Variants in OPN3 observed in about 807,000 individuals in gnomAD.
OPN3 encodes the protein opsin-3.
Under a neutral mutation model 33.8 loss-of-function variants are expected in OPN3, and 29 were observed. The ratio of observed to expected loss-of-function variants is 0.86; its 90% CI spans 0.64 to 1.17. The LOEUF (loss-of-function observed/expected upper bound fraction) is 1.17, where lower values mean the gene tolerates loss of function less well. Among genes scored for constraint, OPN3 ranks in the 50% most tolerant of loss-of-function variants. OPN3 has a pLI of 0.00. For missense variants in OPN3, 437 were observed against 514.1 expected (o/e 0.85, Z 1.45); for synonymous variants, 216 against 216.1 (o/e 1.00, Z 0.00).
rs896308472 is a variant in OPN3, at chr1:241,602,420, C to G, written c.693+1840G>C. 2.6e-5 allele frequency among the ~76,000 whole-genome samples: 4 copies of G among 152,096 alleles called. No homozygotes were observed. The South Asian group carries it at 6.2e-4, about 24-fold the overall frequency. On this transcript the variant is annotated intron_variant, in intron 2 of 3. Coordinates refer to ENST00000366554, the MANE Select transcript of OPN3 (RefSeq NM_014322.3). ...GTAGAGGAAGGAGTCACAAGTTTGC[C>G]TTAAGTTGAGGAATGAATGCTAGAT...
At chr1:241,633,990 C>T in intron 1 of OPN3, 1 of 1,613,964 alleles carries the variant, frequency 6.2e-7, no homozygotes, top group African/African-American at 1.3e-5. Flanking sequence ...AGTGTTTCAG[C>T]TTGCTTGACA....
chr1:241,597,728 G>A lies in OPN3; in HGVS notation c.945+18C>T, dbSNP rs2147995802. The stretch of plus-strand genomic sequence containing the variant: ...TCTATGCCCAGGGTGAAAACAATCA[G>A]TTAATTGCAAAGCTTACCTTTCTGA... On this transcript the variant is annotated intron_variant, in intron 3 of 3. Transcript: ENST00000366554. 2 of 1,607,178 alleles carry A rather than the reference G, an allele frequency of 1.2e-6. No homozygotes were observed. Among genetic ancestry groups the A allele is most frequent in the Non-Finnish European group, 1.7e-6 (2 of 1,175,556 alleles).
intron 1 of OPN3, among the ~76,000 whole-genome samples, chr1:241,628,425 C>A (rs1162466633): frequency 6.6e-6 from 1 of 152,108 alleles, no homozygotes; most frequent in African/African-American, 2.4e-5. Flanking sequence ...TTGGATCTCT[C>A]ACGCTGACTG....
At chr1:241,601,522 G>T (rs995969801) in intron 2 of OPN3, among the ~76,000 whole-genome samples, 1 of 152,072 alleles carries the variant, frequency 6.6e-6, no homozygotes, top group African/African-American at 2.4e-5. Flanking sequence ...GGCCAACATG[G>T]TGAAACCCCA....
At position 241,594,458 on chromosome 1, in the gene OPN3, T is replaced by G. The variant is rs765144031; in HGVS notation, c.1179A>C (p.Lys393Asn). 1 of 1,614,122 alleles carries G rather than the reference T, an allele frequency of 6.2e-7. No individual in the cohort carries two copies. Among genetic ancestry groups the G allele is most frequent in the East Asian group, 2.2e-5 (1 of 44,876 alleles). Reference sequence around the variant, plus strand: ...AAGGACGAACTTGGATTACATCAACTTTGGACCCATTGGTTTTGTCGCTGT... The same window carrying G: ...AAGGACGAACTTGGATTACATCAACGTTGGACCCATTGGTTTTGTCGCTGT... ...VDDSDKTNGS[K>N]VDVIQVRPL Residue 393 changes from lysine (K) to asparagine (N), a missense_variant, in exon 4 of 4, where the codon AAA becomes AAC. Physicochemically the swap from Lys to Asn is moderately conservative, Grantham distance 94. Transcript: ENST00000366554.
At chr1:241,634,129 T>C in intron 1 of OPN3, 1 of 1,612,994 alleles carries the variant, frequency 6.2e-7, no homozygotes, top group South Asian at 1.1e-5. Flanking sequence ...ACAAGAGTCT[T>C]GGCTTTGTAA....
chr1:241,597,742 T>G lies in OPN3; in HGVS notation c.945+4A>C, dbSNP rs1413113681. ...GAAAACAATCAGTTAATTGCAAAGC[T>G]TACCTTTCTGATCATGAAGACATAA... On this transcript the variant is annotated splice_donor_region_variant and intron_variant, in intron 3 of 3. Transcript: ENST00000366554. 1 of 1,611,496 alleles carries G rather than the reference T, an allele frequency of 6.2e-7. No individual in the cohort carries two copies. Among genetic ancestry groups the G allele is most frequent in the South Asian group, 1.1e-5 (1 of 90,936 alleles).
intron 2 of OPN3, among the ~76,000 whole-genome samples, chr1:241,602,805 C>T (rs1428577060): frequency 6.6e-6 from 1 of 152,202 alleles, no homozygotes; most frequent in South Asian, 2.1e-4. Context: ...ACTGTCACAT[C>T]GGTGGTTAGA....
chr1:241,620,024 T>C (rs908515371), intron 1 of OPN3, among the ~76,000 whole-genome samples: 9 of 149,242 alleles, frequency 6.0e-5, no homozygotes, highest in African/African-American at 2.2e-4. Flanking sequence ...AAATGAGACA[T>C]ACAGATGTTA....
intron 1 of OPN3, among the ~76,000 whole-genome samples, chr1:241,639,015 A>G (rs979025901): frequency 2.0e-5 from 3 of 152,242 alleles, no homozygotes; most frequent in South Asian, 4.1e-4. Context: ...TTTCCTTTCT[A>G]CGCTTCCTTC....
chr1:241,597,872 C>T lies in OPN3; in HGVS notation c.819G>A (p.Val273=). Residue 273 remains valine (V), a synonymous_variant, in exon 3 of 4, where the codon GTG becomes GTA. Coordinates refer to ENST00000366554, the MANE Select transcript of OPN3 (RefSeq NM_014322.3). ...GACCATTAACCACCAAGAAGCAGAT[C>T]ACGATATAAGGCATCCAACAGACCA... The part of the protein sequence containing the change: ...TFLVCWMPYI[V]ICFLVVNGHG... 1.1e-5 allele frequency: 18 copies of T among 1,613,796 alleles called. No individual in the cohort carries two copies. Among genetic ancestry groups the T allele is most frequent in the Non-Finnish European group, 1.4e-5 (16 of 1,179,956 alleles).
intron 1 of OPN3, among the ~76,000 whole-genome samples, chr1:241,615,292 T>C (rs1165562587): frequency 6.6e-6 from 1 of 150,718 alleles, no homozygotes; most frequent in East Asian, 1.9e-4. Context: ...ACTGCACTCA[T>C]AGAATAAAAG....
intron 1 of OPN3, among the ~76,000 whole-genome samples, chr1:241,637,162 CT>C (rs1192121775): frequency 6.6e-6 from 1 of 152,160 alleles, no homozygotes; most frequent in Admixed American, 6.5e-5. Flanking sequence ...GTTTTGAGCT[CT>C]GGTTTTCACT....
chr1:241,639,941 T>C lies in OPN3; in HGVS notation c.314A>G (p.Asn105Ser). ...GCCCACGGTGTCCCACACCCAGCCG[T>C]TCCTCAGGCAGGACACGAAGGTAAA... Reference protein sequence around the residue: ...VTFTFVSCLRNGWVWDTVGCV... With the variant: ...VTFTFVSCLRSGWVWDTVGCV... Residue 105 changes from asparagine to serine, a missense_variant, in exon 1 of 4, where the codon AAC becomes AGC. Transcript: ENST00000366554. 1.2e-6 allele frequency: 2 copies of C among 1,608,290 alleles called. No homozygotes were observed. Among genetic ancestry groups the C allele is most frequent in the Non-Finnish European group, 1.7e-6 (2 of 1,177,654 alleles).
intron 1 of OPN3, among the ~76,000 whole-genome samples, chr1:241,625,661 A>G (rs1263016454): frequency 6.6e-6 from 1 of 152,214 alleles, no homozygotes. Flanking sequence ...GAGGGAAGGT[A>G]GCGGGGAACT....
chr1:241,615,265 AT>A (rs1664095879), intron 1 of OPN3, among the ~76,000 whole-genome samples: 1 of 151,962 alleles, frequency 6.6e-6, no homozygotes, highest in African/African-American at 2.4e-5. Flanking sequence ...AGAATTCTAA[AT>A]TCTAATCCTA....
chr1:241,636,144 G>T, intron 1 of OPN3: 1 of 413,876 alleles, frequency 2.4e-6, no homozygotes, highest in South Asian at 1.0e-4. Context: ...ATGCAACAAT[G>T]ACAATCCATT....
At position 241,640,188 on chromosome 1, in the gene OPN3, C is replaced by T; in HGVS notation, c.67G>A (p.Gly23Arg). The change falls in exon 1 of 4, where the codon GGG (glycine) becomes AGG (arginine). Residue 23 changes from glycine to arginine, a missense_variant. By Grantham distance (125) the Gly-to-Arg change is moderately radical. Coordinates refer to ENST00000366554, the MANE Select transcript of OPN3 (RefSeq NM_014322.3). ...WDGGGAAGAEGPAPAGTLSPA... is the reference protein window; with the variant it reads ...WDGGGAAGAERPAPAGTLSPA... Reference sequence around the variant, plus strand: ...CTCAGTGTCCCCGCCGGCGCCGGCCCCTCAGCGCCCGCGGCCCCGCCGCCG... The same window carrying T: ...CTCAGTGTCCCCGCCGGCGCCGGCCTCTCAGCGCCCGCGGCCCCGCCGCCG... The T allele has an allele frequency of 7.2e-7, 1 of 1,383,902 alleles. No homozygotes were observed. Among genetic ancestry groups the T allele is most frequent in the Non-Finnish European group, 9.3e-7 (1 of 1,074,578 alleles). The allele number at this position is 1,383,902 out of a possible 1,614,324, so 85.7% of individuals were successfully genotyped here.
In OPN3 at chr1:241,596,221, G is replaced by T. The variant is rs140128216; in HGVS notation, c.945+1525C>A. ...TTAATGTATTTTAATTTTGTCTGTT[G>T]AGAGGGTGGTCCCTAAAATATCTTA... On this transcript the variant is annotated intron_variant, in intron 3 of 3. Coordinates refer to ENST00000366554, the MANE Select transcript of OPN3 (RefSeq NM_014322.3). 2.2e-3 allele frequency among the ~76,000 whole-genome samples: 331 copies of T among 152,338 alleles called. 1 individual carries two copies. The highest frequency in any genetic ancestry group is 7.7e-3 in the African/African-American group (320 of 41,584).
Sources: allele counts gnomAD v4.1 joint callset (sites outside exome capture counted in the v4.1 genomes callset), GRCh38; gene constraint gnomAD v4.1.1; transcripts MANE v1.5; gene names NCBI Gene and HGNC (gene_info 2026-07-23, HGNC 2026-07-21).